ASCC3: variants seen among roughly 807,000 people sequenced by gnomAD.
ASCC3 encodes the protein ASC-1 complex subunit P200.
In ASCC3, 158 loss-of-function variants were observed where a neutral mutation model predicts 256.3. The observed-to-expected ratio is 0.62, with a 90% confidence interval of 0.54 to 0.70. The LOEUF is 0.70. Among genes scored for constraint, ASCC3 ranks in the 30% least tolerant of loss-of-function variants. The pLI is 0.00. For missense variants in ASCC3, 2,259 were observed against 2,626.0 expected (o/e 0.86, Z 3.05); for synonymous variants, 948 against 883.4 (o/e 1.07, Z -1.30).
intron 10 of ASCC3, among the ~76,000 whole-genome samples, chr6:100,729,131 A>T (rs1317006712): frequency 6.6e-6 from 1 of 152,192 alleles, no homozygotes; most frequent in Non-Finnish European, 1.5e-5. Flanking sequence ...TGGTACTTTA[A>T]CAACAAGAGC....
intron 36 of ASCC3, among the ~76,000 whole-genome samples, chr6:100,581,449 A>AT (rs1771254400): frequency 6.6e-6 from 1 of 152,064 alleles, no homozygotes; most frequent in Admixed American, 6.5e-5. Flanking sequence ...TTTCTTGTAA[A>AT]TTTGTTTAAG....
chr6:100,798,763 T>C lies in ASCC3; in HGVS notation c.1345A>G (p.Met449Val), dbSNP rs919712089. The change falls in exon 8 of 42, where the codon ATG becomes GTG. Residue 449 changes from methionine to valine, a missense_variant. This residue lies in a region of ASCC3 where 1,839 missense variants were observed against 2,206.7 expected (regional missense o/e 0.83). Coordinates refer to ENST00000369162, the MANE Select transcript of ASCC3 (RefSeq NM_006828.4). ...GGCTTTTCCTCAAAGCTGAGTGGCA[T>C]TGGTTCGCTGTAGGGAATCCTTACT... ...EEVRIPYSEPMPLSFEEKPVY... is the reference protein window; with the variant it reads ...EEVRIPYSEPVPLSFEEKPVY... 24 of 1,613,088 alleles carry C rather than the reference T, an allele frequency of 1.5e-5. No individual in the cohort carries two copies. Among genetic ancestry groups the C allele is most frequent in the East Asian group, 4.5e-5 (2 of 44,772 alleles).
intron 4 of ASCC3, among the ~76,000 whole-genome samples, chr6:100,818,568 C>CACA (rs1770871468): frequency 9.7e-6 from 1 of 103,218 alleles, no homozygotes; most frequent in African/African-American, 3.7e-5. Flanking sequence ...GACTCCGTCT[C>CACA]AAAAAAAAAA....
intron 40 of ASCC3, 44 bp from the exon 41 acceptor site, chr6:100,510,151 T>C: frequency 6.2e-7 from 1 of 1,604,160 alleles, no homozygotes; most frequent in Non-Finnish European, 8.5e-7. Context: ...ATATCTAGAC[T>C]TCCTATACCA....
At position 100,509,143 on chromosome 6, in the gene ASCC3, C is replaced by T; in HGVS notation, c.*243G>A. The T allele has an allele frequency of 2.0e-6, 1 of 511,134 alleles. No homozygotes were observed. 31.7% of individuals were successfully genotyped at this position (511,134 alleles called of 1,614,324 possible). A position where few individuals can be genotyped will look rare whatever the true frequency, so the allele number is the denominator to read the frequency against. ...ACAAATTAAAAGATTATTCTAAATG[C>T]TTTTTCATCTTACATATCAAGAAAC... On this transcript the variant is annotated 3_prime_UTR_variant, in exon 42 of 42. Transcript: ENST00000369162.
intron 8 of ASCC3, among the ~76,000 whole-genome samples, chr6:100,789,757 G>C (rs748032908): frequency 6.6e-6 from 1 of 151,960 alleles, no homozygotes; most frequent in African/African-American, 2.4e-5. Flanking sequence ...ACATTTAGCG[G>C]AAGAAATCAT....
chr6:100,674,062 A>C (rs1467163191), intron 14 of ASCC3, among the ~76,000 whole-genome samples: 1 of 151,964 alleles, frequency 6.6e-6, no homozygotes, highest in Non-Finnish European at 1.5e-5. Flanking sequence ...TTTTTCTTTT[A>C]ATCTTTCCTT....
intron 27 of ASCC3, 93 bp from the exon 28 acceptor site, chr6:100,628,080 AAAAACAAAAAC>A: frequency 8.0e-7 from 1 of 1,247,278 alleles, no homozygotes; most frequent in African/African-American, 1.6e-5. Context: ...AGCTTCCTCA[AAAAACAAAAAC>A]AAAAAAAAAA....
chr6:100,615,028 A>ATTTTTTTTTTTTTTTTTT (rs1773596078), intron 30 of ASCC3, among the ~76,000 whole-genome samples: 1 of 151,682 alleles, frequency 6.6e-6, no homozygotes, highest in East Asian at 1.9e-4. Flanking sequence ...CTTAAAAAAA[A>ATTTTTTTTTTTTTTTTTT]TTTTTGAGAT....
At chr6:100,621,792 T>C (rs1404387274) in intron 30 of ASCC3, among the ~76,000 whole-genome samples, 1 of 152,192 alleles carries the variant, frequency 6.6e-6, no homozygotes, top group African/African-American at 2.4e-5. Flanking sequence ...TGCACACGTA[T>C]GTTCACTGTA....
At chr6:100,643,943 T>C (rs1278202605) in intron 23 of ASCC3, 88 bp downstream of exon 23, 6 of 887,766 alleles carry the variant, frequency 6.8e-6, no homozygotes, top group Non-Finnish European at 8.8e-6. Context: ...AATTGTACTA[T>C]AAAATTACAG....
intron 9 of ASCC3, among the ~76,000 whole-genome samples, 163 bp from the exon 10 acceptor site, chr6:100,766,868 T>C (rs1403328359): frequency 2.6e-5 from 4 of 152,238 alleles, no homozygotes; most frequent in African/African-American, 9.6e-5. Context: ...TTGTGAGATA[T>C]GTGTGTAGCT....
chr6:100,627,899 T>C lies in ASCC3; in HGVS notation c.4464A>G (p.Gly1488=), dbSNP rs1774321365. ...SHTEKPVRIV[G]LSTALANARD... is the part of the protein sequence containing the mutation. Reference sequence around the variant, plus strand: ...TGGCATTAGCTAATGCAGTAGATAGTCCAACTATTCTAACAGGCTTTTCTG... The same window carrying C: ...TGGCATTAGCTAATGCAGTAGATAGCCCAACTATTCTAACAGGCTTTTCTG... Residue 1488 remains glycine, a synonymous_variant, in exon 28 of 42, where the codon GGA becomes GGG. Coordinates refer to ENST00000369162, the MANE Select transcript of ASCC3 (RefSeq NM_006828.4). 1 of 1,613,606 alleles carries C rather than the reference T, an allele frequency of 6.2e-7. No individual in the cohort carries two copies. The highest frequency in any genetic ancestry group is 1.3e-5 in the African/African-American group (1 of 74,868).
chr6:100,638,137 G>A (rs1339410704), intron 25 of ASCC3, among the ~76,000 whole-genome samples: 3 of 152,088 alleles, frequency 2.0e-5, no homozygotes, highest in East Asian at 1.9e-4. Flanking sequence ...AAATGACCAC[G>A]GCTACTCCAA....
intron 1 of ASCC3, among the ~76,000 whole-genome samples, chr6:100,870,240 A>AT (rs1773675263): frequency 1.3e-5 from 2 of 151,282 alleles, no homozygotes; most frequent in Admixed American, 1.3e-4. Flanking sequence ...TTTTTAATGC[A>AT]TTTTTTCTCA....
chr6:100,513,683 A>G (rs1336040131), intron 39 of ASCC3, among the ~76,000 whole-genome samples: 1 of 152,162 alleles, frequency 6.6e-6, no homozygotes, highest in Non-Finnish European at 1.5e-5. Flanking sequence ...AATTAAAATG[A>G]CACATTAAAA....
intron 11 of ASCC3, among the ~76,000 whole-genome samples, chr6:100,723,117 A>G (rs2115034092): frequency 6.6e-6 from 1 of 151,866 alleles, no homozygotes; most frequent in South Asian, 2.1e-4. Context: ...ATAGAACAGA[A>G]ATGTCTCATA....
At chr6:100,522,336 T>C (rs1774354334) in intron 37 of ASCC3, among the ~76,000 whole-genome samples, 1 of 152,152 alleles carries the variant, frequency 6.6e-6, no homozygotes, top group African/African-American at 2.4e-5. Flanking sequence ...TGTATCCACT[T>C]ATAAAATTAT....
At chr6:100,811,988 G>C (rs961254093) in intron 4 of ASCC3, among the ~76,000 whole-genome samples, 2 of 152,152 alleles carry the variant, frequency 1.3e-5, no homozygotes, top group African/African-American at 4.8e-5. Context: ...TTCAAAGCTA[G>C]TTATAATCAG....
Sources: gnomAD v4.1 joint callset for allele counts (sites outside exome capture counted in the v4.1 genomes callset) on GRCh38, gnomAD v4.1.1 for gene constraint, gnomAD v4.1.1 regional missense constraint, MANE v1.5 for transcripts, NCBI Gene and HGNC (gene_info 2026-07-23, HGNC 2026-07-21) for gene names.